Variants in JMJD1C observed in about 807,000 individuals in gnomAD.
The protein encoded by JMJD1C is jumonji domain-containing protein 1C.
A neutral mutation model predicts 245.3 loss-of-function variants in JMJD1C; 31 were observed. That is an observed-to-expected ratio of 0.13 (90% CI 0.09 to 0.17). The LOEUF (loss-of-function observed/expected upper bound fraction) is 0.17, where lower values mean the gene tolerates loss of function less well. Among genes scored for constraint, JMJD1C ranks in the 10% least tolerant of loss-of-function variants. The probability of loss-of-function intolerance (pLI) is 1.00; values close to 1 mark genes in which losing one functional copy is unlikely to be tolerated. For missense variants in JMJD1C, 2,691 were observed against 3,000.2 expected, an observed-to-expected ratio of 0.90 and a Z score of 2.41; for synonymous variants, 1,057 against 1,017.4, an observed-to-expected ratio of 1.04 and a Z score of -0.74.
At chr10:63,295,341 CAGCCTCCTAAAGT>C (rs1218624096) in intron 2 of JMJD1C, among the ~76,000 whole-genome samples, 1 of 151,712 alleles carries the variant, frequency 6.6e-6, no homozygotes, top group Non-Finnish European at 1.5e-5. Flanking sequence ...ACTCCTGCCT[CAGCCTCCTAAAGT>C]GCTCGGCCAC....
intron 2 of JMJD1C, among the ~76,000 whole-genome samples, chr10:63,326,418 A>AAAT (rs1350065041): frequency 6.6e-6 from 1 of 150,534 alleles, no homozygotes; most frequent in Non-Finnish European, 1.5e-5. Context: ...ATAAATAAAT[A>AAAT]AATAAATAAA....
chr10:63,339,028 T>C (rs952063625), intron 2 of JMJD1C, among the ~76,000 whole-genome samples: 16 of 152,174 alleles, frequency 1.1e-4, no homozygotes, highest in Admixed American at 1.3e-4. Context: ...TGAGCAAATA[T>C]GTTTTCTTCA....
intron 2 of JMJD1C, 80 bp from the exon 3 acceptor site, chr10:63,264,844 T>C (rs1225748050): frequency 1.5e-6 from 1 of 679,844 alleles, no homozygotes; most frequent in African/African-American, 1.9e-5. Context: ...ACCAATACAA[T>C]GTATCAATGT....
At chr10:63,504,144 T>C (rs1427613787) in intron 1 of JMJD1C, among the ~76,000 whole-genome samples, 1 of 152,212 alleles carries the variant, frequency 6.6e-6, no homozygotes, top group Non-Finnish European at 1.5e-5. Context: ...TCATTACTTG[T>C]TTCTGTACTT....
chr10:63,508,580 A>G (rs2133275586), intron 1 of JMJD1C, among the ~76,000 whole-genome samples: 1 of 152,358 alleles, frequency 6.6e-6, no homozygotes, highest in Middle Eastern at 3.4e-3. Flanking sequence ...AAGAACTGAC[A>G]TTCTGATGAT....
At chr10:63,335,299 A>T (rs997339449) in intron 2 of JMJD1C, among the ~76,000 whole-genome samples, 4 of 152,212 alleles carry the variant, frequency 2.6e-5, no homozygotes, top group Non-Finnish European at 5.9e-5. Context: ...TACCCTGTTT[A>T]AAAATGGTGA....
At chr10:63,345,433 A>T (rs994046663) in intron 2 of JMJD1C, among the ~76,000 whole-genome samples, 3 of 150,328 alleles carry the variant, frequency 2.0e-5, no homozygotes, top group African/African-American at 7.4e-5. Context: ...GGTTGCAGTG[A>T]GCCAAGATTG....
At position 63,404,116 on chromosome 10, in the gene JMJD1C, A is replaced by G. The variant is rs1400926370; in HGVS notation, c.169-23634T>C. 2.0e-5 allele frequency among the ~76,000 whole-genome samples: 3 copies of G among 150,638 alleles called. No homozygotes were observed. In the East Asian group the frequency reaches 5.8e-4, roughly 29 times the overall value. On this transcript the variant is annotated intron_variant, in intron 1 of 25. Transcript: ENST00000399262. Reference sequence around the variant, plus strand: ...GGCAACAGAGCAAGACTCCATCTCAAAAAAAAAAAGTGAATGATGTACTTC... The same window carrying G: ...GGCAACAGAGCAAGACTCCATCTCAGAAAAAAAAAGTGAATGATGTACTTC...
intron 2 of JMJD1C, among the ~76,000 whole-genome samples, chr10:63,299,057 T>C (rs536896461): frequency 2.6e-5 from 4 of 152,028 alleles, no homozygotes; most frequent in East Asian, 3.9e-4. Context: ...AAAAACACTT[T>C]AGTCATTAAT....
intron 1 of JMJD1C, among the ~76,000 whole-genome samples, chr10:63,449,723 G>T (rs887450742): frequency 4.6e-5 from 7 of 152,192 alleles, no homozygotes; most frequent in Middle Eastern, 3.4e-3. Flanking sequence ...AATCAAACAT[G>T]AATAGCTGGA....
intron 2 of JMJD1C, among the ~76,000 whole-genome samples, chr10:63,356,780 A>G (rs1944880661): frequency 6.6e-6 from 1 of 152,214 alleles, no homozygotes; most frequent in Admixed American, 6.5e-5. Context: ...TCTGTTAGCT[A>G]AGGATACCCC....
chr10:63,355,160 T>G (rs1353616201), intron 2 of JMJD1C, among the ~76,000 whole-genome samples: 1 of 151,980 alleles, frequency 6.6e-6, no homozygotes, highest in Non-Finnish European at 1.5e-5. Flanking sequence ...ACTTATCTAC[T>G]TTTTTTTAAA....
intron 2 of JMJD1C, among the ~76,000 whole-genome samples, chr10:63,288,809 G>A (rs1858288102): frequency 6.6e-6 from 1 of 151,610 alleles, no homozygotes; most frequent in East Asian, 1.9e-4. Context: ...AACCCGGGAG[G>A]CAGAGGTTGC....
rs532140080 is a variant in JMJD1C at position 63,408,054 on chromosome 10, GAACT to G, written c.169-27576_169-27573del. On this transcript the variant is annotated intron_variant, in intron 1 of 25. Coordinates refer to ENST00000399262, the MANE Select transcript of JMJD1C (RefSeq NM_032776.3). ...AGAAACAATTCAGAAAAACTTTTCAGAACTAACACTCATAAATTTCAAAACTGAA... is the reference window on the plus strand; with the variant it reads ...AGAAACAATTCAGAAAAACTTTTCAGAACACTCATAAATTTCAAAACTGAA... Among the ~76,000 whole-genome samples the G allele has an allele frequency of 7.2e-4, 109 of 152,194 alleles. 1 individual carries two copies. In the South Asian group the frequency reaches 0.021, roughly 30 times the overall value.
intron 1 of JMJD1C, among the ~76,000 whole-genome samples, chr10:63,423,200 G>A (rs907075409): frequency 2.0e-5 from 3 of 152,050 alleles, no homozygotes; most frequent in African/African-American, 7.2e-5. Flanking sequence ...CCTGACCTCT[G>A]GTGATATGCC....
intron 1 of JMJD1C, among the ~76,000 whole-genome samples, chr10:63,487,987 GT>G (rs1954052416): frequency 6.6e-6 from 1 of 152,096 alleles, no homozygotes; most frequent in South Asian, 2.1e-4. Flanking sequence ...ACACAGAGAG[GT>G]GAAAGTTAAG....
At chr10:63,261,129 G>C (rs929080013) in intron 3 of JMJD1C, among the ~76,000 whole-genome samples, 4 of 152,016 alleles carry the variant, frequency 2.6e-5, no homozygotes, top group African/African-American at 9.7e-5. Context: ...TAACAATATC[G>C]AGGCCTGTTG....
Position 63,214,383 on chromosome 10 carries a change from T to C in JMJD1C, c.1784A>G (p.Lys595Arg), listed in dbSNP as rs760646714. 6.2e-7 allele frequency: 1 copy of C among 1,613,982 alleles called. No individual in the cohort carries two copies. The highest frequency in any genetic ancestry group is 2.2e-5 in the East Asian group (1 of 44,872). Reference sequence around the variant, plus strand: ...TAAAGGAGAAATGTAAGAGACATACTTCTCTTTTTCCATGTTCAAGTGATC... The same window carrying C: ...TAAAGGAGAAATGTAAGAGACATACCTCTCTTTTTCCATGTTCAAGTGATC... Reference protein sequence around the residue: ...GNDHLNMEKEKYVSYISPLSA... With the variant: ...GNDHLNMEKERYVSYISPLSA... Residue 595 changes from lysine (K) to arginine (R), a missense_variant, in exon 8 of 26, where the codon AAG becomes AGG. By Grantham distance (26) the Lys-to-Arg change is conservative. Transcript: ENST00000399262.
chr10:63,324,389 T>C (rs981908010), intron 2 of JMJD1C, among the ~76,000 whole-genome samples: 2 of 152,116 alleles, frequency 1.3e-5, no homozygotes, highest in African/African-American at 4.8e-5. Context: ...CAAACACAAA[T>C]GCCAACTAAG....
Sources: allele counts gnomAD v4.1 joint callset (sites outside exome capture counted in the v4.1 genomes callset), GRCh38; gene constraint gnomAD v4.1.1; transcripts MANE v1.5; gene names NCBI Gene and HGNC (gene_info 2026-07-23, HGNC 2026-07-21).